The following TMIGD3 variants were observed in gnomAD, a reference collection of about 807,000 sequenced individuals.
TMIGD3 encodes AD026 protein (AD026).
In TMIGD3, 21 loss-of-function variants were observed where a neutral mutation model predicts 28.1. The observed-to-expected ratio is 0.75, with a 90% CI of 0.53 to 1.08. The LOEUF is 1.08. Among genes scored for constraint, TMIGD3 ranks in the 50% least tolerant of loss-of-function variants. The probability of loss-of-function intolerance (pLI) is 0.00; values close to 1 mark genes in which losing one functional copy is unlikely to be tolerated. For missense variants in TMIGD3, 416 were observed against 435.6 expected (o/e 0.96, Z 0.40); for synonymous variants, 151 against 162.1 (o/e 0.93, Z 0.52).
In TMIGD3 at chr1:111,527,514, G is replaced by A. The variant is rs576017445; in HGVS notation, c.107+36332C>T. Among the ~76,000 whole-genome samples the A allele has an allele frequency of 5.8e-3, 879 of 152,206 alleles. 10 individuals carry two copies. Among genetic ancestry groups the A allele is most frequent in the African/African-American group, 0.02 (847 of 41,514 alleles). On this transcript the variant is annotated intron_variant, in intron 1 of 5. Transcript: ENST00000369717. ...TGGACGTAAATTTTCATCTCATTTG[G>A]ATAAATACCCCTAGGAACATGATTG...
rs1458246742 is a variant in TMIGD3, at chr1:111,490,698, C to G, written c.415G>C (p.Val139Leu). 1.2e-6 allele frequency: 2 copies of G among 1,614,074 alleles called. No individual in the cohort carries two copies. Among genetic ancestry groups the G allele is most frequent in the East Asian group, 4.5e-5 (2 of 44,882 alleles). ...SFQLKVCFLP[V>L]MWLFILLSLA... ...GAGAGTAGAATGAAGAGCCACATGACTGGAAGGAAGCAAACTTTCAACTGG... is the reference window on the plus strand; with the variant it reads ...GAGAGTAGAATGAAGAGCCACATGAGTGGAAGGAAGCAAACTTTCAACTGG... The change falls in exon 2 of 6, where the codon GTC (valine) becomes CTC (leucine). Residue 139 changes from valine to leucine, a missense_variant. Val to Leu is a conservative substitution (Grantham distance 32). Transcript: ENST00000369716.
At chr1:111,494,671 A>G (rs544180922) in intron 1 of TMIGD3, among the ~76,000 whole-genome samples, 2 of 152,366 alleles carry the variant, frequency 1.3e-5, no homozygotes, top group African/African-American at 4.8e-5. Context: ...GAATCAAAAA[A>G]GAGCCCAAAT....
chr1:111,561,366 C>T (rs573442101), intron 1 of TMIGD3, among the ~76,000 whole-genome samples: 9 of 152,312 alleles, frequency 5.9e-5, no homozygotes, highest in South Asian at 4.1e-4. Flanking sequence ...TCAAGCGATC[C>T]GCTTGTCTCA....
intron 1 of TMIGD3, among the ~76,000 whole-genome samples, chr1:111,510,966 G>C (rs115994953): frequency 6.6e-6 from 1 of 151,992 alleles, no homozygotes; most frequent in African/African-American, 2.4e-5. Context: ...CAGCACTCAC[G>C]GGCACCCACA....
At chr1:111,508,275 CAG>C (rs1655579975), upstream of TMIGD3, among the ~76,000 whole-genome samples, 2 of 152,222 alleles carry the variant, frequency 1.3e-5, no homozygotes, top group Admixed American at 6.5e-5. Flanking sequence ...TCAAGGCACT[CAG>C]AAAGTGAGGA....
chr1:111,519,942 C>T (rs138598930), intron 1 of TMIGD3, among the ~76,000 whole-genome samples: 1 of 152,180 alleles, frequency 6.6e-6, no homozygotes, highest in African/African-American at 2.4e-5. Context: ...ATCCACCTGC[C>T]TCGGCCTCCC....
chr1:111,521,805 T>G (rs1258891903), intron 1 of TMIGD3, among the ~76,000 whole-genome samples: 1 of 152,244 alleles, frequency 6.6e-6, no homozygotes, highest in Non-Finnish European at 1.5e-5. Flanking sequence ...TTTGTGCTTT[T>G]GTGTTATATT....
chr1:111,525,851 G>A (rs559412450), intron 1 of TMIGD3, among the ~76,000 whole-genome samples: 5 of 152,120 alleles, frequency 3.3e-5, no homozygotes, highest in Admixed American at 6.5e-5. Flanking sequence ...GAGACAGAGC[G>A]AGACTCTGTC....
chr1:111,524,510 G>A (rs1390403534), intron 1 of TMIGD3, among the ~76,000 whole-genome samples: 2 of 152,120 alleles, frequency 1.3e-5, no homozygotes, highest in African/African-American at 2.4e-5. Context: ...TAGATAATTA[G>A]TGCTATCAAT....
intron 1 of TMIGD3, among the ~76,000 whole-genome samples, chr1:111,512,306 G>A (rs922473587): frequency 1.4e-4 from 22 of 152,226 alleles, no homozygotes; most frequent in African/African-American, 3.9e-4. Context: ...CCACCTGTGC[G>A]TCCAGCATGG....
intron 1 of TMIGD3, among the ~76,000 whole-genome samples, chr1:111,532,499 C>G (rs1025461239): frequency 6.6e-6 from 1 of 152,166 alleles, no homozygotes; most frequent in Non-Finnish European, 1.5e-5. Flanking sequence ...TCCAGAGACT[C>G]AGTCCCTGGG....
intron 1 of TMIGD3, chr1:111,500,044 T>C: frequency 6.2e-7 from 1 of 1,614,240 alleles, no homozygotes; most frequent in Non-Finnish European, 8.5e-7. Flanking sequence ...TTCCTTGAAC[T>C]TCTTTATTTT....
chr1:111,498,550 T>C (rs1654996623), intron 1 of TMIGD3, among the ~76,000 whole-genome samples: 1 of 152,254 alleles, frequency 6.6e-6, no homozygotes, highest in Non-Finnish European at 1.5e-5. Flanking sequence ...GGCTTTAATG[T>C]TACAAGTTCC....
At chr1:111,554,825 C>G (rs1294878814) in intron 1 of TMIGD3, among the ~76,000 whole-genome samples, 2 of 152,108 alleles carry the variant, frequency 1.3e-5, no homozygotes, top group Non-Finnish European at 2.9e-5. Flanking sequence ...TCTCTCTACT[C>G]AGGAATCTAA....
chr1:111,501,860 G>A (rs369677335), intron 1 of TMIGD3, among the ~76,000 whole-genome samples: 5 of 151,746 alleles, frequency 3.3e-5, no homozygotes, highest in East Asian at 1.9e-4. Context: ...CGAGAAACAC[G>A]AGACCAATGC....
At chr1:111,541,943 A>G (rs895295448) in intron 1 of TMIGD3, among the ~76,000 whole-genome samples, 1 of 152,212 alleles carries the variant, frequency 6.6e-6, no homozygotes, top group African/African-American at 2.4e-5. Flanking sequence ...CACTGCCTTC[A>G]AAAGAAACAA....
intron 1 of TMIGD3, among the ~76,000 whole-genome samples, chr1:111,534,431 G>A (rs1656572836): frequency 6.6e-6 from 1 of 152,226 alleles, no homozygotes; most frequent in African/African-American, 2.4e-5. Flanking sequence ...TTTTGTCTAT[G>A]CTGAGCTCCT....
chr1:111,560,327 G>A (rs1657682856), intron 1 of TMIGD3, among the ~76,000 whole-genome samples: 1 of 151,816 alleles, frequency 6.6e-6, no homozygotes, highest in Non-Finnish European at 1.5e-5. Flanking sequence ...GAGGTAGATG[G>A]TCCTGGTCTC....
rs1406410634 is a variant in TMIGD3, at chr1:111,542,289, C to T, written c.107+21557G>A. ...TATTTCAGGATCAGACCTGCCGGTT[C>T]GAACACACGCGACAAGAGCAAAGAA... On this transcript the variant is annotated intron_variant, in intron 1 of 5. Coordinates refer to the TMIGD3 transcript ENST00000369717. 1.3e-5 allele frequency: 7 copies of T among 551,848 alleles called. No individual in the cohort carries two copies. In the Admixed American group the frequency reaches 1.4e-4, roughly 11 times the overall value. The allele number at this position is 551,848 out of a possible 1,614,324, so 34.2% of individuals were successfully genotyped here.
Sources: allele counts gnomAD v4.1 joint callset (sites outside exome capture counted in the v4.1 genomes callset), GRCh38; gene constraint gnomAD v4.1.1; transcripts MANE v1.5; gene names NCBI Gene and HGNC (gene_info 2026-07-23, HGNC 2026-07-21).